ZFPM1: variants seen among roughly 807,000 people sequenced by gnomAD.
ZFPM1 encodes the protein zinc finger protein, FOG family member 1, also known as zinc finger protein ZFPM1.
ZFPM1 carries 28 observed loss-of-function variants against 46.3 expected under a neutral mutation model. The observed-to-expected ratio is 0.60, with a 90% CI of 0.45 to 0.83. The LOEUF (loss-of-function observed/expected upper bound fraction) is 0.83, where lower values mean the gene tolerates loss of function less well. Ranked by LOEUF, ZFPM1 falls within the 40% of genes least tolerant of loss-of-function variation. The probability of loss-of-function intolerance (pLI) is 0.00; values close to 1 mark genes in which losing one functional copy is unlikely to be tolerated. For missense variants in ZFPM1, 1,878 were observed against 1,432.4 expected (o/e 1.31, Z -5.02); for synonymous variants, 957 against 675.9 (o/e 1.42, Z -6.45).
intron 1 of ZFPM1, among the ~76,000 whole-genome samples, chr16:88,473,755 C>T (rs1261392782): frequency 1.3e-5 from 2 of 152,150 alleles, no homozygotes; most frequent in South Asian, 2.1e-4. Context: ...GGGCCTCCGG[C>T]GGGCTTGCAG....
In ZFPM1 at chr16:88,532,652, T is replaced by C; in HGVS notation, c.985T>C (p.Phe329Leu). The C allele has an allele frequency of 6.3e-7, 1 of 1,595,002 alleles. No homozygotes were observed. The highest frequency in any genetic ancestry group is 8.5e-7 in the Non-Finnish European group (1 of 1,170,828). ...CGTGTGCCTGATCTGCCTGTCGGCCTTCACCACCAAGGCCAACTGCGAGCG... is the reference window on the plus strand; with the variant it reads ...CGTGTGCCTGATCTGCCTGTCGGCCCTCACCACCAAGGCCAACTGCGAGCG... ...PFVCLICLSAFTTKANCERHL... is the reference protein window; with the variant it reads ...PFVCLICLSALTTKANCERHL... Residue 329 changes from phenylalanine to leucine, a missense_variant, in exon 8 of 10, where the codon TTC becomes CTC. Transcript: ENST00000319555.
At chr16:88,511,733 C>A (rs114108824) in intron 3 of ZFPM1, among the ~76,000 whole-genome samples, 1 of 152,174 alleles carries the variant, frequency 6.6e-6, no homozygotes, top group Non-Finnish European at 1.5e-5. Context: ...ACCACGGCCT[C>A]TATGTTCAGT....
chr16:88,525,936 C>T (rs1912280163), intron 4 of ZFPM1, among the ~76,000 whole-genome samples: 1 of 152,264 alleles, frequency 6.6e-6, no homozygotes, highest in Non-Finnish European at 1.5e-5. Flanking sequence ...GAGCCACCGC[C>T]GACAGCATGG....
At chr16:88,479,855 C>T (rs1881966901) in intron 1 of ZFPM1, among the ~76,000 whole-genome samples, 2 of 136,880 alleles carry the variant, frequency 1.5e-5, no homozygotes, top group African/African-American at 5.5e-5. Flanking sequence ...GTCCCTCCCT[C>T]CCCCCCGCTG....
intron 9 of ZFPM1, 34 bp from the exon 10 acceptor site, chr16:88,533,114 G>C: frequency 8.2e-7 from 1 of 1,215,950 alleles, no homozygotes; most frequent in Admixed American, 3.1e-5. Flanking sequence ...TCCTGCCCCA[G>C]GCCTGAGGTG....
chr16:88,476,441 G>T (rs113724407), intron 1 of ZFPM1, among the ~76,000 whole-genome samples: 1 of 152,018 alleles, frequency 6.6e-6, no homozygotes, highest in African/African-American at 2.4e-5. Flanking sequence ...GCCGCCAAGT[G>T]GCAGGGCGGC....
chr16:88,474,494 G>T (rs1908581936), intron 1 of ZFPM1, among the ~76,000 whole-genome samples: 2 of 151,906 alleles, frequency 1.3e-5, no homozygotes, highest in Admixed American at 1.3e-4. Flanking sequence ...TAAAACCCCA[G>T]CTCCCTCCAA....
At chr16:88,494,387 G>A (rs1909807333) in intron 3 of ZFPM1, among the ~76,000 whole-genome samples, 1 of 152,130 alleles carries the variant, frequency 6.6e-6, no homozygotes, top group South Asian at 2.1e-4. Context: ...GTGGAAGCCG[G>A]AAGGGATCCA....
At chr16:88,492,235 T>C (rs1189892235) in intron 3 of ZFPM1, among the ~76,000 whole-genome samples, 1 of 152,030 alleles carries the variant, frequency 6.6e-6, no homozygotes, top group Non-Finnish European at 1.5e-5. Context: ...CTCACCCGTC[T>C]CTGCCCCTTT....
In ZFPM1 at chr16:88,528,169, G is replaced by A. The variant is rs1597284600; in HGVS notation, c.643G>A (p.Ala215Thr). 8 of 1,609,734 alleles carry A rather than the reference G, an allele frequency of 5.0e-6. No individual in the cohort carries two copies. Among genetic ancestry groups the A allele is most frequent in the Non-Finnish European group, 6.8e-6 (8 of 1,179,224 alleles). The change falls in exon 6 of 10, where the codon GCA becomes ACA. Residue 215 changes from alanine (A) to threonine (T), a missense_variant. Transcript: ENST00000319555. ...EPAEPTCPAP[A>T]HDLQLLPQQA... Reference sequence around the variant, plus strand: ...AGCAGAGCCCACGTGCCCGGCCCCTGCACACGACCTCCAGCTCCTGCCCCA... The same window carrying A: ...AGCAGAGCCCACGTGCCCGGCCCCTACACACGACCTCCAGCTCCTGCCCCA...
intron 3 of ZFPM1, among the ~76,000 whole-genome samples, chr16:88,507,216 C>A (rs902810001): frequency 2.6e-5 from 4 of 152,146 alleles, no homozygotes; most frequent in Non-Finnish European, 5.9e-5. Flanking sequence ...TCCGACGTGG[C>A]CCCCAGCTTC....
intron 2 of ZFPM1, among the ~76,000 whole-genome samples, chr16:88,488,437 G>A (rs920039710): frequency 6.6e-5 from 10 of 152,368 alleles, no homozygotes; most frequent in South Asian, 2.1e-4. Flanking sequence ...AGGCTCCCTC[G>A]CGGTGGCTGG....
At chr16:88,454,832 C>G (rs996550370) in intron 1 of ZFPM1, among the ~76,000 whole-genome samples, 5 of 152,212 alleles carry the variant, frequency 3.3e-5, no homozygotes, top group African/African-American at 9.6e-5. Context: ...CGGAAACCCG[C>G]CCGCTGCCCA....
In ZFPM1 at chr16:88,471,701, G is replaced by A. The variant is rs1281391838; in HGVS notation, c.41-14238G>A. On this transcript the variant is annotated intron_variant, in intron 1 of 9. Coordinates refer to ENST00000319555, the MANE Select transcript of ZFPM1 (RefSeq NM_153813.3). This position sits in a 1 kb window ranked among gnomAD's most constrained non-coding sequence, Gnocchi z 4.1. ...ACACAGTGGAGGGGTCAGGGCTCCC[G>A]GCTCTAAAGCCACATGGCCTGGGCA... Among the ~76,000 whole-genome samples the A allele has an allele frequency of 3.3e-5, 5 of 152,210 alleles. No homozygotes were observed. The highest frequency in any genetic ancestry group is 9.7e-5 in the African/African-American group (4 of 41,430).
chr16:88,510,164 C>T (rs1910874911), intron 3 of ZFPM1, among the ~76,000 whole-genome samples: 1 of 152,184 alleles, frequency 6.6e-6, no homozygotes, highest in Admixed American at 6.5e-5. Flanking sequence ...GCACCCCCTT[C>T]TCCATATGGG....
At chr16:88,478,096 C>T (rs970977525) in intron 1 of ZFPM1, among the ~76,000 whole-genome samples, 2 of 152,162 alleles carry the variant, frequency 1.3e-5, no homozygotes, top group African/African-American at 4.8e-5. Flanking sequence ...ACCGCCATGT[C>T]TCCCCTGCCC....
In ZFPM1 at chr16:88,536,654, C is replaced by T. The variant is rs1913257844; in HGVS notation, c.*1675C>T. On this transcript the variant is annotated 3_prime_UTR_variant, in exon 10 of 10. Transcript: ENST00000319555. Reference sequence around the variant, plus strand: ...CTGGGTCTGCAGCGCTTTCAGTGGTCTCTGATGTCTTTGTCCACCTGCCCA... The same window carrying T: ...CTGGGTCTGCAGCGCTTTCAGTGGTTTCTGATGTCTTTGTCCACCTGCCCA... The T allele has an allele frequency of 6.6e-6, 1 of 152,320 alleles. No individual in the cohort carries two copies. Among genetic ancestry groups the T allele is most frequent in the African/African-American group, 2.4e-5 (1 of 41,466 alleles). The allele number at this position is 152,320 out of a possible 1,614,324, so 9.4% of individuals were successfully genotyped here.
chr16:88,468,201 C>G (rs1394308063), intron 1 of ZFPM1, among the ~76,000 whole-genome samples: 9 of 142,258 alleles, frequency 6.3e-5, no homozygotes, highest in Admixed American at 1.4e-4. Context: ...CACCGCCCCT[C>G]AAGCACCCGC....
Position 88,533,345 on chromosome 16 carries a change from A to G in ZFPM1, c.1387A>G (p.Lys463Glu), listed in dbSNP as rs375669870. ...SEPPAAPRSI[K>E]VEAVEEPEAA... ...GCCCCCGGCGGCCCCCAGGAGCATC[A>G]AGGTGGAGGCGGTGGAGGAGCCGGA... Residue 463 changes from lysine to glutamate, a missense_variant, in exon 10 of 10, where the codon AAG becomes GAG. Transcript: ENST00000319555. 1,498 of 1,531,724 alleles carry G rather than the reference A, an allele frequency of 9.8e-4. 19 individuals are homozygous for G. The South Asian group carries it at 0.017, about 18-fold the overall frequency. 94.9% of individuals were successfully genotyped at this position (1,531,724 alleles called of 1,614,324 possible). A position where few individuals can be genotyped will look rare whatever the true frequency, so the allele number is the denominator to read the frequency against.
Sources: gnomAD v4.1 joint callset for allele counts (sites outside exome capture counted in the v4.1 genomes callset) on GRCh38, gnomAD v4.1.1 for gene constraint, Gnocchi (gnomAD v3.1) non-coding constraint, MANE v1.5 for transcripts, NCBI Gene and HGNC (gene_info 2026-07-23, HGNC 2026-07-21) for gene names.